SRRM4: variants seen among roughly 807,000 people sequenced by gnomAD.
SRRM4 encodes serine/arginine repetitive matrix protein 4.
SRRM4 carries 33 observed loss-of-function variants against 68.9 expected under a neutral mutation model. The observed-to-expected ratio is 0.48, with a 90% CI of 0.36 to 0.64. The LOEUF is 0.64. Ranked by LOEUF, SRRM4 falls within the 30% of genes least tolerant of loss-of-function variation. SRRM4 has a pLI of 0.00. For missense variants in SRRM4, 817 were observed against 827.1 expected (o/e 0.99, Z 0.15); for synonymous variants, 318 against 318.8 (o/e 1.00, Z 0.03).
chr12:119,152,085 A>T (rs1052210151), intron 10 of SRRM4, among the ~76,000 whole-genome samples: 1 of 152,228 alleles, frequency 6.6e-6, no homozygotes, highest in African/African-American at 2.4e-5. Flanking sequence ...GCAGAATGAG[A>T]CATGAAATCT....
Position 119,114,206 on chromosome 12 carries a change from G to A in SRRM4, c.279-72G>A, listed in dbSNP as rs982970503. On this transcript the variant is annotated intron_variant, in intron 2 of 12. Coordinates refer to ENST00000267260, the MANE Select transcript of SRRM4 (RefSeq NM_194286.4). Reference sequence around the variant, plus strand: ...CATCCAAGGACCTGGGTCCTTCCCTGGCTGCACCAGCTCTGGTTGGGGAGT... The same window carrying A: ...CATCCAAGGACCTGGGTCCTTCCCTAGCTGCACCAGCTCTGGTTGGGGAGT... 1.7e-5 allele frequency: 24 copies of A among 1,374,858 alleles called. No individual in the cohort carries two copies. In the Admixed American group the frequency reaches 4.1e-4, roughly 23 times the overall value. The allele number at this position is 1,374,858 out of a possible 1,614,324, so 85.2% of individuals were successfully genotyped here. A position where few individuals can be genotyped will look rare whatever the true frequency, so the allele number is the denominator to read the frequency against.
intron 1 of SRRM4, among the ~76,000 whole-genome samples, chr12:119,029,064 C>T (rs912166030): frequency 6.6e-6 from 1 of 152,184 alleles, no homozygotes; most frequent in African/African-American, 2.4e-5. Flanking sequence ...TGGGAAAATA[C>T]TGTGCCCCAT....
In SRRM4 at chr12:118,981,589, C is replaced by A; in HGVS notation, c.-294C>A. 1 of 355,982 alleles carries A rather than the reference C, an allele frequency of 2.8e-6. No homozygotes were observed. 22.1% of individuals were successfully genotyped at this position (355,982 alleles called of 1,614,324 possible). A position where few individuals can be genotyped will look rare whatever the true frequency, so the allele number is the denominator to read the frequency against. ...CGTCGCCTCTTCTCTCCTGGTGCTG[C>A]CCAGAAAGCCAGCCCTCCCTTCCCT... On this transcript the variant is annotated 5_prime_UTR_variant, in exon 1 of 13. Transcript: ENST00000267260.
At chr12:118,982,347 G>A (rs1953252948) in intron 1 of SRRM4, among the ~76,000 whole-genome samples, 1 of 152,164 alleles carries the variant, frequency 6.6e-6, no homozygotes, top group Non-Finnish European at 1.5e-5. Context: ...GGGCAGGTGG[G>A]CCAAGGAATG....
chr12:119,010,409 A>G (rs986244836), intron 1 of SRRM4, among the ~76,000 whole-genome samples: 1 of 152,224 alleles, frequency 6.6e-6, no homozygotes, highest in African/African-American at 2.4e-5. Context: ...TAAGTGGTTG[A>G]AGATGAAAAG....
chr12:119,131,802 G>C (rs1374844981), intron 8 of SRRM4, among the ~76,000 whole-genome samples: 1 of 152,334 alleles, frequency 6.6e-6, no homozygotes, highest in Admixed American at 6.5e-5. Flanking sequence ...AACAGGAAGA[G>C]AGTCAACATT....
At chr12:119,146,443 G>A (rs1022972616) in intron 9 of SRRM4, among the ~76,000 whole-genome samples, 13 of 151,546 alleles carry the variant, frequency 8.6e-5, no homozygotes, top group Admixed American at 7.9e-4. Context: ...AAAATTAGCC[G>A]GGTGTGGTGG....
intron 8 of SRRM4, among the ~76,000 whole-genome samples, chr12:119,133,390 C>A (rs1170371227): frequency 6.6e-6 from 1 of 152,104 alleles, no homozygotes; most frequent in Non-Finnish European, 1.5e-5. Context: ...TGGTAGTAGT[C>A]ATAGTAATAG....
intron 4 of SRRM4, among the ~76,000 whole-genome samples, chr12:119,117,280 G>T (rs928896682): frequency 2.0e-5 from 3 of 152,138 alleles, no homozygotes; most frequent in African/African-American, 7.2e-5. Flanking sequence ...CTAGAACAAG[G>T]AGTGGAAAGC....
chr12:119,120,384 C>T (rs1954211832), intron 5 of SRRM4, 108 bp downstream of exon 5: 2 of 1,163,102 alleles, frequency 1.7e-6, no homozygotes, highest in African/African-American at 1.6e-5. Context: ...TAGGCATGAC[C>T]CCTTCATCTT....
At chr12:119,124,734 C>T (rs1453848501) in intron 6 of SRRM4, among the ~76,000 whole-genome samples, 2 of 152,066 alleles carry the variant, frequency 1.3e-5, no homozygotes, top group African/African-American at 4.8e-5. Context: ...ATGCTAAGAA[C>T]CTGGACTTAA....
intron 8 of SRRM4, among the ~76,000 whole-genome samples, chr12:119,144,790 A>G (rs1395022808): frequency 6.6e-6 from 1 of 152,150 alleles, no homozygotes; most frequent in Admixed American, 6.5e-5. Flanking sequence ...ATTTAAAAAA[A>G]CAAAAAACAA....
intron 1 of SRRM4, among the ~76,000 whole-genome samples, chr12:119,013,921 G>A (rs1478910093): frequency 7.2e-6 from 1 of 138,748 alleles, no homozygotes. Context: ...AAGTGTGCAT[G>A]CTACCCTCCC....
chr12:119,015,345 C>G (rs1953474738), intron 1 of SRRM4, among the ~76,000 whole-genome samples: 1 of 152,146 alleles, frequency 6.6e-6, no homozygotes, highest in African/African-American at 2.4e-5. Context: ...TTTCATAAAC[C>G]CCACTGCTAT....
chr12:119,059,800 A>G (rs961738967), intron 1 of SRRM4, among the ~76,000 whole-genome samples: 1 of 152,138 alleles, frequency 6.6e-6, no homozygotes, highest in African/African-American at 2.4e-5. Flanking sequence ...ATTTTTATCC[A>G]TTACCAAGTC....
chr12:119,025,537 C>T (rs903471892), intron 1 of SRRM4, among the ~76,000 whole-genome samples: 8 of 152,118 alleles, frequency 5.3e-5, no homozygotes, highest in African/African-American at 1.2e-4. Flanking sequence ...CTCTGCCTCC[C>T]GGGTTCAAGT....
At chr12:119,020,362 A>C (rs7294812) in intron 1 of SRRM4, among the ~76,000 whole-genome samples, 42,286 of 152,074 alleles carry the variant, frequency 0.28, 6,137 homozygotes, top group Non-Finnish European at 0.31. Context: ...CCCATTGATT[A>C]TGCTCACCGT....
chr12:119,139,936 T>G (rs1311149034), intron 8 of SRRM4, among the ~76,000 whole-genome samples: 1 of 152,188 alleles, frequency 6.6e-6, no homozygotes, highest in Non-Finnish European at 1.5e-5. Flanking sequence ...TTACAGGGTA[T>G]ATGTGATGTT....
chr12:119,088,729 G>A (rs1953995322), intron 1 of SRRM4, among the ~76,000 whole-genome samples: 1 of 152,152 alleles, frequency 6.6e-6, no homozygotes, highest in Non-Finnish European at 1.5e-5. Flanking sequence ...GTTAAGCTGA[G>A]ATATGAAGGA....
Sources: allele counts gnomAD v4.1 joint callset (sites outside exome capture counted in the v4.1 genomes callset), GRCh38; gene constraint gnomAD v4.1.1; transcripts MANE v1.5; gene names NCBI Gene and HGNC (gene_info 2026-07-23, HGNC 2026-07-21).